The following HEATR5B variants were observed in gnomAD, a reference collection of about 807,000 sequenced individuals.
HEATR5B encodes the protein HEAT repeat-containing protein 5B.
HEATR5B carries 156 observed loss-of-function variants against 224.1 expected under a neutral mutation model. The observed-to-expected ratio is 0.70, with a 90% CI of 0.61 to 0.80. HEATR5B has a LOEUF of 0.80. Ranked by LOEUF, HEATR5B falls within the 30% of genes least tolerant of loss-of-function variation. The pLI is 0.00. For missense variants in HEATR5B, 2,323 were observed against 2,535.5 expected, an observed-to-expected ratio of 0.92 and a Z score of 1.80; for synonymous variants, 1,027 against 893.0, an observed-to-expected ratio of 1.15 and a Z score of -2.68.
intron 24 of HEATR5B, among the ~76,000 whole-genome samples, chr2:37,021,973 CCTTTT>C (rs1303859890): frequency 6.6e-6 from 1 of 151,896 alleles, no homozygotes; most frequent in Non-Finnish European, 1.5e-5. Context: ...CCCTTCGTTC[CCTTTT>C]TTTTTCCTTC....
At chr2:37,020,366 G>C (rs1473291606) in intron 25 of HEATR5B, among the ~76,000 whole-genome samples, 1 of 152,208 alleles carries the variant, frequency 6.6e-6, no homozygotes, top group African/African-American at 2.4e-5. Flanking sequence ...ATCTCTTAAA[G>C]GGCAGAGCTA....
chr2:37,036,193 C>T (rs1029962376), intron 21 of HEATR5B, among the ~76,000 whole-genome samples: 1 of 152,124 alleles, frequency 6.6e-6, no homozygotes, highest in Non-Finnish European at 1.5e-5. Context: ...TATGTCACTC[C>T]CCTGCAGAGA....
At chr2:37,050,721 T>TA (rs1226942640) in intron 17 of HEATR5B, among the ~76,000 whole-genome samples, 1 of 152,162 alleles carries the variant, frequency 6.6e-6, no homozygotes, top group African/African-American at 2.4e-5. Context: ...TTATATGACT[T>TA]AAACAGTATA....
intron 9 of HEATR5B, 102 bp from the exon 10 acceptor site, chr2:37,065,092 G>T: frequency 8.4e-7 from 1 of 1,183,792 alleles, no homozygotes; most frequent in Non-Finnish European, 1.2e-6. Context: ...CAATCACCAA[G>T]CTTTCACACA....
intron 22 of HEATR5B, among the ~76,000 whole-genome samples, chr2:37,031,783 A>G (rs543295089): frequency 1.3e-5 from 2 of 152,300 alleles, no homozygotes; most frequent in South Asian, 4.1e-4. Context: ...TAGGCATTAG[A>G]AAACTTTTAT....
chr2:37,028,969 C>T (rs757726541), intron 22 of HEATR5B, 49 bp from the exon 23 acceptor site: 44 of 1,567,398 alleles, frequency 2.8e-5, no homozygotes, highest in Non-Finnish European at 3.7e-5. Flanking sequence ...TTGGTGTACG[C>T]TATAGGTAAC....
At chr2:37,022,226 G>C (rs896877175) in intron 24 of HEATR5B, among the ~76,000 whole-genome samples, 2 of 151,708 alleles carry the variant, frequency 1.3e-5, no homozygotes, top group Non-Finnish European at 2.9e-5. Flanking sequence ...GCCCAGGCTG[G>C]AGTGCAGTGG....
At chr2:37,014,114 C>T in intron 26 of HEATR5B, 94 bp from the exon 27 acceptor site, 1 of 636,528 alleles carries the variant, frequency 1.6e-6, no homozygotes, top group Non-Finnish European at 2.6e-6. Flanking sequence ...AGATAAAACA[C>T]AAAACCAAAG....
chr2:37,056,846 C>T (rs992668677), intron 15 of HEATR5B, among the ~76,000 whole-genome samples: 2 of 152,184 alleles, frequency 1.3e-5, no homozygotes, highest in African/African-American at 2.4e-5. Flanking sequence ...AACATATTTA[C>T]ACCACCCACC....
At chr2:37,014,166 A>G (rs949775715) in intron 26 of HEATR5B, 146 bp from the exon 27 acceptor site, 1 of 422,490 alleles carries the variant, frequency 2.4e-6, no homozygotes, top group African/African-American at 2.0e-5. Context: ...CTTTGATATT[A>G]TTATTATTAT....
Position 37,032,741 on chromosome 2 carries a change from T to G in HEATR5B, c.3249A>C (p.Arg1083=). ...VHLCSSHLLL[R]RAAVACLRQL... is the part of the protein sequence containing the mutation. ...GCCGAAGACATGCCACAGCTGCTCGTCGAAGTAACAAATGGGAACTACATA... is the reference window on the plus strand; with the variant it reads ...GCCGAAGACATGCCACAGCTGCTCGGCGAAGTAACAAATGGGAACTACATA... Residue 1083 remains arginine (R), a synonymous_variant, in exon 22 of 36, where the codon CGA becomes CGC. Transcript: ENST00000233099. 6.2e-7 allele frequency: 1 copy of G among 1,614,054 alleles called. No individual in the cohort carries two copies. The highest frequency in any genetic ancestry group is 8.5e-7 in the Non-Finnish European group (1 of 1,179,978).
In HEATR5B at chr2:37,062,044, C is replaced by T; in HGVS notation, c.1591G>A (p.Val531Ile). The change falls in exon 11 of 36, where the codon GTT becomes ATT. Residue 531 changes from valine to isoleucine, a missense_variant. Val to Ile is a conservative substitution (Grantham distance 29). Around this residue, in one of 12 missense-constraint regions of HEATR5B, gnomAD observed 502 missense variants for 517.8 expected, o/e 0.97. Coordinates refer to ENST00000233099, the MANE Select transcript of HEATR5B (RefSeq NM_019024.3). The part of the protein sequence containing the change: ...GIPHAKGKMV[V>I]SIAEDLLRTA... ...CGTAAAAGATCTTCAGCAATACTAA[C>T]TACCATCTGCAAGAAAAGTTTAGAA... 3.1e-6 allele frequency: 5 copies of T among 1,588,072 alleles called. No homozygotes were observed. The highest frequency in any genetic ancestry group is 2.2e-5 in the South Asian group (2 of 90,358).
chr2:37,053,224 T>G (rs1670671455), intron 17 of HEATR5B, among the ~76,000 whole-genome samples: 1 of 152,222 alleles, frequency 6.6e-6, no homozygotes, highest in Non-Finnish European at 1.5e-5. Flanking sequence ...TCCGATTTCA[T>G]TCGTCAAACA....
At chr2:37,072,688 T>C (rs552428970) in intron 5 of HEATR5B, among the ~76,000 whole-genome samples, 2 of 151,506 alleles carry the variant, frequency 1.3e-5, no homozygotes, top group Admixed American at 6.6e-5. Flanking sequence ...AGAATAGAAA[T>C]GAAACCAAAG....
At chr2:37,073,913 T>C (rs1427129544) in intron 5 of HEATR5B, among the ~76,000 whole-genome samples, 1 of 152,140 alleles carries the variant, frequency 6.6e-6, no homozygotes, top group African/African-American at 2.4e-5. Flanking sequence ...GATAGACAAA[T>C]GGATCAATGA....
chr2:37,084,013 G>A (rs1461480638), intron 1 of HEATR5B, among the ~76,000 whole-genome samples: 2 of 152,202 alleles, frequency 1.3e-5, no homozygotes, highest in Admixed American at 6.5e-5. Flanking sequence ...GAGAAGCCTC[G>A]CGCGCTCGGG....
intron 24 of HEATR5B, among the ~76,000 whole-genome samples, chr2:37,022,420 G>A (rs932673714): frequency 2.4e-4 from 37 of 151,980 alleles, no homozygotes; most frequent in African/African-American, 6.8e-4. Context: ...CTTGTGATTC[G>A]CCCACCTCGG....
At chr2:36,995,871 C>G (rs990236273) in intron 33 of HEATR5B, among the ~76,000 whole-genome samples, 1 of 152,002 alleles carries the variant, frequency 6.6e-6, no homozygotes, top group Non-Finnish European at 1.5e-5. Flanking sequence ...ATTTTTTGAT[C>G]AGTAAGGCTA....
At chr2:37,071,748 G>A (rs978895249) in intron 6 of HEATR5B, among the ~76,000 whole-genome samples, 8 of 151,120 alleles carry the variant, frequency 5.3e-5, no homozygotes, top group African/African-American at 1.5e-4. Context: ...ACAGTGGTGC[G>A]ATCTTGGCTC....
Sources: allele counts gnomAD v4.1 joint callset (sites outside exome capture counted in the v4.1 genomes callset), GRCh38; gene constraint gnomAD v4.1.1; regional missense constraint gnomAD v4.1.1; transcripts MANE v1.5; gene names NCBI Gene and HGNC (gene_info 2026-07-23, HGNC 2026-07-21).